ZSCAN18: variants seen among roughly 807,000 people sequenced by gnomAD.
The protein encoded by ZSCAN18 is zinc finger and SCAN domain containing 18.
ZSCAN18 carries 16 observed loss-of-function variants against 31.1 expected under a neutral mutation model. That is an observed-to-expected ratio of 0.51 (90% CI 0.35 to 0.78). ZSCAN18 has a LOEUF of 0.78. ZSCAN18 is among the 30% of genes least tolerant of loss of function. The pLI is 0.01. For missense variants in ZSCAN18, 731 were observed against 697.4 expected (o/e 1.05, Z -0.54); for synonymous variants, 375 against 320.7 (o/e 1.17, Z -1.81).
At chr19:58,103,112 ACTCT>A (rs1032580848), upstream of ZSCAN18, among the ~76,000 whole-genome samples, 1 of 138,100 alleles carries the variant, frequency 7.2e-6, no homozygotes, top group Admixed American at 7.8e-5. Flanking sequence ...ACACAGCGAG[ACTCT>A]CTCTAAAAAA....
chr19:58,084,553 T>G lies in ZSCAN18; in HGVS notation c.*132A>C. On this transcript the variant is annotated 3_prime_UTR_variant, in exon 7 of 7. Coordinates refer to ENST00000601144, the MANE Select transcript of ZSCAN18 (RefSeq NM_001145543.2). The surrounding 1 kb of genome is among the most constrained non-coding windows in gnomAD (Gnocchi z 4.5). ...GGGAGCGCTTAGCCTCAGGAGCGGA[T>G]TCAGGGCACAGGCAGAGGACGTCCA... The G allele has an allele frequency of 5.5e-6, 5 of 904,158 alleles. No homozygotes were observed. Among genetic ancestry groups the G allele is most frequent in the Non-Finnish European group, 6.2e-6 (4 of 644,480 alleles). The allele number at this position is 904,158 out of a possible 1,614,324, so 56.0% of individuals were successfully genotyped here. A position where few individuals can be genotyped will look rare whatever the true frequency, so the allele number is the denominator to read the frequency against.
intron 1 of ZSCAN18, among the ~76,000 whole-genome samples, chr19:58,114,685 G>C (rs140731134): frequency 1.1e-3 from 173 of 152,110 alleles, no homozygotes; most frequent in Middle Eastern, 3.4e-3. Context: ...TAAATATATA[G>C]TGTGTTATAT....
intron 1 of ZSCAN18, chr19:58,092,639 G>A: frequency 1.1e-6 from 1 of 902,640 alleles, no homozygotes; most frequent in Non-Finnish European, 1.3e-6. Context: ...CTCTCTCTCT[G>A]TGGCTACCAG....
chr19:58,089,626 AAAAT>A lies in ZSCAN18; in HGVS notation c.403+235_403+238del, dbSNP rs767220262. On this transcript the variant is annotated intron_variant, in intron 2 of 6. Transcript: ENST00000601144. Reference sequence around the variant, plus strand: ...AGTGACAGACTGAGACTCCGTCTCAAAAATAAATAAATAAATAAATAAGTAAATA... The same window carrying A: ...AGTGACAGACTGAGACTCCGTCTCAAAAATAAATAAATAAATAAGTAAATA... 1.3e-3 allele frequency among the ~76,000 whole-genome samples: 197 copies of A among 152,330 alleles called. 1 individual carries two copies. The highest frequency in any genetic ancestry group is 1.9e-3 in the Non-Finnish European group (129 of 68,026).
intron 3 of ZSCAN18, 62 bp downstream of exon 3, chr19:58,088,626 G>A (rs1170118638): frequency 6.4e-7 from 1 of 1,560,784 alleles, no homozygotes; most frequent in Non-Finnish European, 8.7e-7. Context: ...CCCAACCACA[G>A]GCCTCTGCCC....
chr19:58,089,843 C>T (rs773637724), intron 2 of ZSCAN18, 22 bp downstream of exon 2: 2 of 1,591,188 alleles, frequency 1.3e-6, no homozygotes, highest in African/African-American at 1.3e-5. Context: ...CTGAGCCATG[C>T]TTCTCCTCTG....
rs778112114 is a variant in ZSCAN18, at chr19:58,084,463, C to T, written c.*222G>A. The T allele has an allele frequency of 8.6e-6, 4 of 464,064 alleles. No homozygotes were observed. Among genetic ancestry groups the T allele is most frequent in the South Asian group, 5.6e-5 (1 of 17,984 alleles). The allele number at this position is 464,064 out of a possible 1,614,324, so 28.7% of individuals were successfully genotyped here. A position where few individuals can be genotyped will look rare whatever the true frequency, so the allele number is the denominator to read the frequency against. ...TTCTTCCACATCCGGCGGCTCCCCT[C>T]GGATGCGAGCGCTGGCCCAGGGTGT... On this transcript the variant is annotated 3_prime_UTR_variant, in exon 7 of 7. Transcript: ENST00000601144. This position sits in a 1 kb window ranked among gnomAD's most constrained non-coding sequence, Gnocchi z 4.5.
rs1297766114 is a variant in ZSCAN18 at position 58,094,763 on chromosome 19, A to G, written c.-120+3411T>C. ...CACAGTGGTGCATGCCTGTGGTCCC[A>G]GCTACTCTGGAGACTGAGGTTGGAG... On this transcript the variant is annotated intron_variant, in intron 1 of 6. Transcript: ENST00000601144. 2.6e-5 allele frequency among the ~76,000 whole-genome samples: 4 copies of G among 151,490 alleles called. No individual in the cohort carries two copies. In the East Asian group the frequency reaches 5.9e-4, roughly 22 times the overall value.
intron 1 of ZSCAN18, chr19:58,108,206 T>A: frequency 2.0e-6 from 2 of 985,770 alleles, no homozygotes; most frequent in Non-Finnish European, 2.4e-6. Context: ...TTCTCCCATG[T>A]TTAATAAGTT....
At chr19:58,104,520 G>A (rs574664513) in intron 1 of ZSCAN18, among the ~76,000 whole-genome samples, 8 of 151,800 alleles carry the variant, frequency 5.3e-5, no homozygotes, top group Admixed American at 1.3e-4. Flanking sequence ...TCAACGTGGC[G>A]AAACCCCATC....
Position 58,084,962 on chromosome 19 carries a change from C to T in ZSCAN18, c.1256G>A (p.Gly419Glu), listed in dbSNP as rs1269234843. 2 of 1,598,562 alleles carry T rather than the reference C, an allele frequency of 1.3e-6. No homozygotes were observed. The highest frequency in any genetic ancestry group is 1.3e-5 in the African/African-American group (1 of 74,898). ...RGKPYACGEC[G>E]EAFAWLSHLM... ...GTGCGAGAGCCACGCGAAGGCCTCC[C>T]CGCACTCGCCGCAGGCATAGGGCTT... The change falls in exon 7 of 7, where the codon GGG (glycine) becomes GAG (glutamate). Residue 419 changes from glycine (G) to glutamate (E), a missense_variant. Around this residue, in one of 4 missense-constraint regions of ZSCAN18, gnomAD observed 597 missense variants for 499.5 expected, o/e 1.20. Coordinates refer to ENST00000601144, the MANE Select transcript of ZSCAN18 (RefSeq NM_001145543.2). The surrounding 1 kb of genome is among the most constrained non-coding windows in gnomAD (Gnocchi z 4.5).
chr19:58,087,216 CG>C, intron 4 of ZSCAN18, 99 bp downstream of exon 4: 1 of 1,305,906 alleles, frequency 7.7e-7, no homozygotes, highest in Non-Finnish European at 1.1e-6. Flanking sequence ...GCGCTGTGGA[CG>C]TTTGGGGCCA....
chr19:58,105,212 G>A (rs2074625734), intron 1 of ZSCAN18, among the ~76,000 whole-genome samples: 1 of 152,134 alleles, frequency 6.6e-6, no homozygotes, highest in African/African-American at 2.4e-5. Context: ...ACTTCCTCCT[G>A]AGAAAAAAAG....
upstream of ZSCAN18, among the ~76,000 whole-genome samples, chr19:58,101,138 T>TC (rs2074590029): frequency 2.5e-5 from 1 of 40,718 alleles, no homozygotes; most frequent in African/African-American, 5.7e-5. Context: ...TTTTTTTTTT[T>TC]TTTTTTTTTT....
rs574164855 is a variant in ZSCAN18 at position 58,103,544 on chromosome 19, C to T, written c.131-13158G>A. Among the ~76,000 whole-genome samples, 11 of 152,304 alleles carry T rather than the reference C, an allele frequency of 7.2e-5. No individual in the cohort carries two copies. The South Asian group carries it at 8.3e-4, about 11-fold the overall frequency. On this transcript the variant is annotated intron_variant, in intron 1 of 1. Transcript: ENST00000595721. ...AATTGTTCTGGAGTGAAAGGAACCA[C>T]GCCTATATAAGACAATGAACTCAGC...
chr19:58,110,898 G>A (rs1239727011), intron 1 of ZSCAN18, among the ~76,000 whole-genome samples: 2 of 152,158 alleles, frequency 1.3e-5, no homozygotes, highest in African/African-American at 4.8e-5. Flanking sequence ...GCCAGGCACG[G>A]TGGCTCACGC....
At chr19:58,091,960 C>G (rs1415622649) in intron 1 of ZSCAN18, among the ~76,000 whole-genome samples, 1 of 152,138 alleles carries the variant, frequency 6.6e-6, no homozygotes, top group African/African-American at 2.4e-5. Flanking sequence ...TCGTCAAGTT[C>G]TGCTCTGACA....
At chr19:58,101,921 T>G (rs1009273659), upstream of ZSCAN18, among the ~76,000 whole-genome samples, 1 of 152,034 alleles carries the variant, frequency 6.6e-6, no homozygotes, top group Non-Finnish European at 1.5e-5. Flanking sequence ...TCACATAACT[T>G]TTTTCTTTAA....
At chr19:58,106,847 G>C (rs1343609050) in intron 1 of ZSCAN18, among the ~76,000 whole-genome samples, 1 of 151,152 alleles carries the variant, frequency 6.6e-6, no homozygotes, top group Non-Finnish European at 1.5e-5. Context: ...TGCAACCTCT[G>C]CCTCCCAGCT....
Sources: gnomAD v4.1 joint callset for allele counts (sites outside exome capture counted in the v4.1 genomes callset) on GRCh38, gnomAD v4.1.1 for gene constraint, gnomAD v4.1.1 regional missense constraint, Gnocchi (gnomAD v3.1) non-coding constraint, MANE v1.5 for transcripts, NCBI Gene and HGNC (gene_info 2026-07-23, HGNC 2026-07-21) for gene names.